LRRC49: variants seen among roughly 807,000 people sequenced by gnomAD.
LRRC49 encodes the protein leucine-rich repeat-containing protein 49.
In LRRC49, 50 loss-of-function variants were observed where a neutral mutation model predicts 83.3. The ratio of observed to expected loss-of-function variants is 0.60; its 90% CI spans 0.48 to 0.76. The LOEUF (loss-of-function observed/expected upper bound fraction) is 0.76, where lower values mean the gene tolerates loss of function less well. Among genes scored for constraint, LRRC49 ranks in the 30% least tolerant of loss-of-function variants. LRRC49 has a pLI of 0.00. For synonymous variants in LRRC49, 286 were observed against 283.3 expected, an observed-to-expected ratio of 1.01 and a Z score of -0.10; for missense variants, 704 against 809.1, an observed-to-expected ratio of 0.87 and a Z score of 1.58.
At chr15:70,963,228 A>G (rs1210679480) in intron 8 of LRRC49, among the ~76,000 whole-genome samples, 2 of 146,742 alleles carry the variant, frequency 1.4e-5, no homozygotes, top group Non-Finnish European at 3.0e-5. Flanking sequence ...ATTAGCTATG[A>G]TTGCACCACT....
At chr15:71,008,639 A>C in intron 12 of LRRC49, 23 bp downstream of exon 12, 1 of 1,521,238 alleles carries the variant, frequency 6.6e-7, no homozygotes, top group Non-Finnish European at 9.1e-7. Flanking sequence ...TTTTAGTAGT[A>C]TATTTGAATA....
intron 8 of LRRC49, among the ~76,000 whole-genome samples, chr15:70,954,020 G>A (rs949035398): frequency 6.6e-6 from 1 of 151,768 alleles, no homozygotes; most frequent in Non-Finnish European, 1.5e-5. Context: ...TCAGTCTCCC[G>A]AGTACTTGAC....
chr15:70,915,195 C>G (rs888479192), intron 6 of LRRC49, among the ~76,000 whole-genome samples: 1 of 152,106 alleles, frequency 6.6e-6, no homozygotes, highest in Admixed American at 6.5e-5. Context: ...ATGATTCTGG[C>G]CTGTTGGGTT....
intron 14 of LRRC49, among the ~76,000 whole-genome samples, chr15:71,029,358 T>G (rs2039277204): frequency 6.6e-6 from 1 of 152,158 alleles, no homozygotes; most frequent in South Asian, 2.1e-4. Flanking sequence ...TAATCCTGAG[T>G]TCTAATTTGA....
In LRRC49 at chr15:71,037,202, T is replaced by G. The variant is rs2039547995; in HGVS notation, c.1727T>G (p.Leu576Arg). ...AGGAAAAAGCAATTTCGGTATCTAC[T>G]AGAATCCAAAGGAAAAAAACCTGGT... ...DARKKQFRYLLESKGKKPGII... is the reference protein window; with the variant it reads ...DARKKQFRYLRESKGKKPGII... Residue 576 changes from leucine to arginine, a missense_variant, in exon 15 of 16, where the codon CTA becomes CGA. This residue lies in a region of LRRC49 where 275 missense variants were observed against 338.0 expected (regional missense o/e 0.81). Coordinates refer to ENST00000260382, the MANE Select transcript of LRRC49 (RefSeq NM_017691.5). The G allele has an allele frequency of 6.2e-7, 1 of 1,609,154 alleles. No homozygotes were observed.
At chr15:70,900,734 T>C (rs1168868793) in intron 3 of LRRC49, among the ~76,000 whole-genome samples, 188 bp from the exon 4 acceptor site, 1 of 152,144 alleles carries the variant, frequency 6.6e-6, no homozygotes, top group African/African-American at 2.4e-5. Flanking sequence ...ATGGAACACA[T>C]AGTTTAGGTT....
chr15:71,000,906 G>A (rs1286332819), intron 11 of LRRC49, among the ~76,000 whole-genome samples: 1 of 151,644 alleles, frequency 6.6e-6, no homozygotes, highest in African/African-American at 2.4e-5. Context: ...CCTCTCGATG[G>A]TAGAGTTCTT....
At chr15:70,984,343 TTTTAAA>T in intron 11 of LRRC49, 86 bp downstream of exon 11, 1 of 1,180,648 alleles carries the variant, frequency 8.5e-7, no homozygotes, top group Non-Finnish European at 1.2e-6. Context: ...CATATAATTA[TTTTAAA>T]AGGGTTTTCT....
intron 1 of LRRC49, among the ~76,000 whole-genome samples, chr15:70,858,061 T>C (rs527970799): frequency 1.8e-4 from 28 of 152,342 alleles, no homozygotes; most frequent in African/African-American, 6.5e-4. Context: ...AGAACCTTCA[T>C]ACCAAGAAAA....
chr15:70,969,599 C>A (rs1567075712), intron 9 of LRRC49, among the ~76,000 whole-genome samples: 1 of 152,134 alleles, frequency 6.6e-6, no homozygotes, highest in African/African-American at 2.4e-5. Flanking sequence ...TATATTGATT[C>A]TTCCTATCCA....
At chr15:70,927,722 A>C (rs1198677001) in intron 7 of LRRC49, among the ~76,000 whole-genome samples, 1 of 152,150 alleles carries the variant, frequency 6.6e-6, no homozygotes, top group Non-Finnish European at 1.5e-5. Flanking sequence ...AACATAGCAC[A>C]CTGCAGCCTT....
chr15:70,893,618 C>G lies in LRRC49; in HGVS notation c.83C>G (p.Ser28Ter). 6.2e-7 allele frequency: 1 copy of G among 1,609,886 alleles called. No homozygotes were observed. The highest frequency in any genetic ancestry group is 1.7e-5 in the Admixed American group (1 of 59,612). ...GGGCTTCATCTGGTTATTCAAACAT[C>G]ATCGCTTCCTGAAAAAAACAAAGTA... ...NCGLHLVIQT[S>*]SLPEKNKVEF... The change falls in exon 2 of 16, where the codon TCA becomes TGA. Residue 28 changes from serine to a stop codon, truncating the protein, a stop_gained. Coordinates refer to ENST00000260382, the MANE Select transcript of LRRC49 (RefSeq NM_017691.5). LOFTEE classifies it high-confidence loss of function.
At chr15:70,943,225 G>A (rs1468894871) in intron 8 of LRRC49, among the ~76,000 whole-genome samples, 5 of 152,016 alleles carry the variant, frequency 3.3e-5, no homozygotes, top group Non-Finnish European at 4.4e-5. Flanking sequence ...TAGAACTAGA[G>A]TAGTATATTT....
At chr15:71,034,977 A>G (rs1847560236) in intron 14 of LRRC49, among the ~76,000 whole-genome samples, 1 of 152,162 alleles carries the variant, frequency 6.6e-6, no homozygotes, top group Non-Finnish European at 1.5e-5. Flanking sequence ...AGGTGCAGCA[A>G]ACCACCATGA....
At chr15:70,888,410 A>T (rs1420535338), upstream of LRRC49, among the ~76,000 whole-genome samples, 1 of 152,230 alleles carries the variant, frequency 6.6e-6, no homozygotes, top group Non-Finnish European at 1.5e-5. Flanking sequence ...TTGCAAGGCC[A>T]AGAAGAAATG....
intron 11 of LRRC49, among the ~76,000 whole-genome samples, chr15:70,992,699 A>G (rs991116610): frequency 6.6e-6 from 1 of 152,202 alleles, no homozygotes; most frequent in Non-Finnish European, 1.5e-5. Context: ...AGAACAGCGA[A>G]TATTGCTCAA....
intron 2 of LRRC49, chr15:70,882,747 G>C: frequency 1.2e-6 from 2 of 1,613,796 alleles, no homozygotes; most frequent in African/African-American, 2.7e-5. Flanking sequence ...ATCCATTGAA[G>C]AGTCAAAACA....
chr15:70,860,316 A>G (rs1310582603), intron 1 of LRRC49, among the ~76,000 whole-genome samples: 3 of 152,146 alleles, frequency 2.0e-5, no homozygotes, highest in Non-Finnish European at 2.9e-5. Context: ...CTGCCTGGGG[A>G]CACCCCTTAC....
At position 70,980,172 on chromosome 15, in the gene LRRC49, A is replaced by G. The variant is rs1349484153; in HGVS notation, c.993A>G (p.Gln331=). 3 of 1,611,274 alleles carry G rather than the reference A, an allele frequency of 1.9e-6. No homozygotes were observed. The highest frequency in any genetic ancestry group is 2.5e-6 in the Non-Finnish European group (3 of 1,178,438). ...EEEKKRESHK[Q]SLLKEKKRLT... is the part of the protein sequence containing the mutation. The stretch of plus-strand genomic sequence containing the variant: ...AGAAGAAGCGGGAAAGTCATAAACA[A>G]TCTTTGCTTAAGGTATTTTCTCTGA... Residue 331 remains glutamine (Q), a synonymous_variant, in exon 10 of 16, where the codon CAA becomes CAG. Coordinates refer to ENST00000260382, the MANE Select transcript of LRRC49 (RefSeq NM_017691.5).
Sources: allele counts gnomAD v4.1 joint callset (sites outside exome capture counted in the v4.1 genomes callset), GRCh38; gene constraint gnomAD v4.1.1; regional missense constraint gnomAD v4.1.1; transcripts MANE v1.5; gene names NCBI Gene and HGNC (gene_info 2026-07-23, HGNC 2026-07-21).